The following PDE7A variants were observed in gnomAD, a reference collection of about 807,000 sequenced individuals.
The protein encoded by PDE7A is high affinity 3',5'-cyclic-AMP phosphodiesterase 7A.
PDE7A carries 39 observed loss-of-function variants against 64.3 expected under a neutral mutation model. That is an observed-to-expected ratio of 0.61 (90% CI 0.47 to 0.79). The LOEUF (loss-of-function observed/expected upper bound fraction) is 0.79, where lower values mean the gene tolerates loss of function less well. Ranked by LOEUF, PDE7A falls within the 30% of genes least tolerant of loss-of-function variation. The pLI is 0.00. For missense variants in PDE7A, 470 were observed against 582.8 expected (o/e 0.81, Z 1.99); for synonymous variants, 203 against 206.8 (o/e 0.98, Z 0.16).
intron 1 of PDE7A, chr8:65,838,492 C>T (rs1430450214): frequency 6.6e-6 from 1 of 152,166 alleles, no homozygotes; most frequent in Non-Finnish European, 1.5e-5. Flanking sequence ...CTTGGAAGAG[C>T]TGGTGTTCCA....
intron 3 of PDE7A, among the ~76,000 whole-genome samples, chr8:65,775,157 G>C (rs1253936811): frequency 1.3e-5 from 2 of 152,188 alleles, no homozygotes; most frequent in East Asian, 3.9e-4. Flanking sequence ...CTTAGTTTTT[G>C]AGTATGCACG....
chr8:65,776,250 T>A (rs2128922692), intron 3 of PDE7A, among the ~76,000 whole-genome samples: 1 of 152,328 alleles, frequency 6.6e-6, no homozygotes, highest in Non-Finnish European at 1.5e-5. Flanking sequence ...ACCACACTTG[T>A]CACAAATCAA....
At chr8:65,737,311 C>T (rs192361151) in intron 6 of PDE7A, among the ~76,000 whole-genome samples, 2 of 152,068 alleles carry the variant, frequency 1.3e-5, no homozygotes, top group African/African-American at 4.8e-5. Context: ...AAGGGATAAA[C>T]AGCCAAGTAT....
intron 12 of PDE7A, chr8:65,722,055 T>C (rs567367719): frequency 1.3e-5 from 2 of 152,330 alleles, no homozygotes; most frequent in East Asian, 1.9e-4. Flanking sequence ...CTTCCCAAAG[T>C]GCTGGGTTAC....
intron 7 of PDE7A, 84 bp from the exon 8 acceptor site, chr8:65,727,385 A>G: frequency 6.4e-7 from 1 of 1,559,172 alleles, no homozygotes; most frequent in East Asian, 2.3e-5. Flanking sequence ...ATTAGCAGCC[A>G]ATGGTAGTGG....
chr8:65,778,501 A>G (rs1221686807), intron 3 of PDE7A, among the ~76,000 whole-genome samples: 2 of 152,178 alleles, frequency 1.3e-5, no homozygotes, highest in African/African-American at 2.4e-5. Context: ...AGACCAAGAC[A>G]CTGTAGAGCA....
chr8:65,809,506 T>C (rs1189258578), intron 1 of PDE7A, among the ~76,000 whole-genome samples: 2 of 152,222 alleles, frequency 1.3e-5, no homozygotes, highest in Non-Finnish European at 2.9e-5. Context: ...AAGAAAGCTA[T>C]AGATTGATTT....
intron 7 of PDE7A, 25 bp from the exon 8 acceptor site, chr8:65,727,326 A>C: frequency 1.9e-6 from 3 of 1,612,088 alleles, no homozygotes; most frequent in African/African-American, 1.3e-5. Context: ...AAGAATAATG[A>C]ATCACAGATA....
At chr8:65,726,739 ATAATT>A in intron 9 of PDE7A, 131 bp downstream of exon 9, 1 of 538,572 alleles carries the variant, frequency 1.9e-6, no homozygotes, top group Admixed American at 3.4e-5. Flanking sequence ...AAAATTGTAT[ATAATT>A]TATTAAATTT....
intron 1 of PDE7A, among the ~76,000 whole-genome samples, chr8:65,785,150 A>T (rs1809515142): frequency 6.6e-6 from 1 of 152,140 alleles, no homozygotes; most frequent in Non-Finnish European, 1.5e-5. Context: ...ACAAGTTCTT[A>T]AAAAAACACA....
intron 7 of PDE7A, among the ~76,000 whole-genome samples, chr8:65,730,197 T>TTTTTTTG (rs1806810961): frequency 1.7e-5 from 2 of 119,324 alleles, no homozygotes; most frequent in African/African-American, 3.5e-5. Flanking sequence ...TTTTTTTTTT[T>TTTTTTTG]GAGATGGAGT....
At chr8:65,767,995 G>A (rs544185638) in intron 3 of PDE7A, among the ~76,000 whole-genome samples, 1 of 152,200 alleles carries the variant, frequency 6.6e-6, no homozygotes, top group South Asian at 2.1e-4. Flanking sequence ...TTTAGGAACT[G>A]AGCCCTTAAC....
At chr8:65,758,697 T>C (rs1808350603) in intron 3 of PDE7A, among the ~76,000 whole-genome samples, 1 of 152,246 alleles carries the variant, frequency 6.6e-6, no homozygotes, top group African/African-American at 2.4e-5. Context: ...TGCCCAGTGC[T>C]GGACATTATG....
intron 7 of PDE7A, among the ~76,000 whole-genome samples, chr8:65,733,496 C>T (rs1359174514): frequency 6.6e-6 from 1 of 152,014 alleles, no homozygotes; most frequent in Non-Finnish European, 1.5e-5. Context: ...GAGTGAGACC[C>T]TGTCTCTACA....
intron 1 of PDE7A, among the ~76,000 whole-genome samples, chr8:65,812,707 A>T (rs981121942): frequency 1.4e-4 from 21 of 152,242 alleles, no homozygotes; most frequent in Non-Finnish European, 5.9e-5. Context: ...ATGCAACAAG[A>T]TAATGGCCAG....
At chr8:65,790,448 A>G (rs1274058309) in intron 1 of PDE7A, among the ~76,000 whole-genome samples, 1 of 152,342 alleles carries the variant, frequency 6.6e-6, no homozygotes. Flanking sequence ...AGGTGACTGC[A>G]GTCCATGACA....
chr8:65,807,843 A>G (rs1488372457), intron 1 of PDE7A, among the ~76,000 whole-genome samples: 1 of 152,214 alleles, frequency 6.6e-6, no homozygotes, highest in Non-Finnish European at 1.5e-5. Context: ...AAAGAGACAG[A>G]ACATGGGTCA....
chr8:65,769,141 G>C (rs1357215296), intron 3 of PDE7A, among the ~76,000 whole-genome samples: 1 of 151,712 alleles, frequency 6.6e-6, no homozygotes, highest in South Asian at 2.1e-4. Flanking sequence ...CCAGCTACTT[G>C]GGAGGCTGAG....
intron 1 of PDE7A, among the ~76,000 whole-genome samples, chr8:65,818,613 A>C (rs907580414): frequency 2.0e-5 from 3 of 152,172 alleles, no homozygotes; most frequent in Non-Finnish European, 4.4e-5. Flanking sequence ...TTCAAAGTTC[A>C]GCCTGTTTTC....
Sources: allele counts gnomAD v4.1 joint callset (sites outside exome capture counted in the v4.1 genomes callset), GRCh38; gene constraint gnomAD v4.1.1; transcripts MANE v1.5; gene names NCBI Gene and HGNC (gene_info 2026-07-23, HGNC 2026-07-21).